The following WFIKKN1 variants were observed in gnomAD, a reference collection of about 807,000 sequenced individuals.
WFIKKN1 encodes WAP, follistatin/kazal, immunoglobulin, kunitz and netrin domain containing 1.
WFIKKN1 carries 6 observed loss-of-function variants against 4.6 expected under a neutral mutation model. The ratio of observed to expected loss-of-function variants is 1.31; its 90% CI spans 0.72 to 2.59. WFIKKN1 has a LOEUF of 2.59. Ranked by LOEUF, WFIKKN1 falls within the 30% of genes most tolerant of loss-of-function variation. WFIKKN1 has a pLI of 0.00. For synonymous variants in WFIKKN1, 468 were observed against 367.4 expected (o/e 1.27, Z -3.13); for missense variants, 964 against 818.0 (o/e 1.18, Z -2.18).
chr16:631,716 T>G, intron 1 of WFIKKN1: 1 of 139,482 alleles, frequency 7.2e-6, no homozygotes, highest in Admixed American at 1.5e-4. Context: ...TCCCACCCTC[T>G]CCTCCCATCC....
rs957325457 is a variant in WFIKKN1 at position 630,990 on chromosome 16, G to C, written c.-264G>C. 10 of 498,190 alleles carry C rather than the reference G, an allele frequency of 2.0e-5. No homozygotes were observed. The highest frequency in any genetic ancestry group is 3.6e-5 in the Non-Finnish European group (10 of 279,548). The allele number at this position is 498,190 out of a possible 1,614,324, so 30.9% of individuals were successfully genotyped here. On this transcript the variant is annotated 5_prime_UTR_variant, in exon 1 of 2. Coordinates refer to ENST00000319070, the MANE Select transcript of WFIKKN1 (RefSeq NM_053284.3). ...TGGGAGCCCCCGCACGGTTCAGACA[G>C]AGGGGCCAGGCTGAAGCTGGAGAGG...
Position 633,574 on chromosome 16 carries a change from G to C in WFIKKN1, c.1164G>C (p.Val388=). 1 of 1,565,926 alleles carries C rather than the reference G, an allele frequency of 6.4e-7. No homozygotes were observed. Among genetic ancestry groups the C allele is most frequent in the Non-Finnish European group, 8.6e-7 (1 of 1,163,212 alleles). ...SPLLQQCHPF[V]YGGCEGNGNN... is the part of the protein sequence containing the mutation. Reference sequence around the variant, plus strand: ...TGCTGCAGCAGTGCCATCCCTTCGTGTACGGTGGCTGCGAGGGCAACGGCA... The same window carrying C: ...TGCTGCAGCAGTGCCATCCCTTCGTCTACGGTGGCTGCGAGGGCAACGGCA... The change falls in exon 2 of 2, where the codon GTG becomes GTC. Residue 388 remains valine, a synonymous_variant. Transcript: ENST00000319070.
Position 631,362 on chromosome 16 carries a change from C to A in WFIKKN1, c.109C>A (p.Leu37Ile). ...GSHPGVCPNQLSPNLWVDAQS... is the reference protein window; with the variant it reads ...GSHPGVCPNQISPNLWVDAQS... ...CCACCCGGGCGTGTGCCCCAACCAG[C>A]TCAGCCCCAACCTGTGGGTGGACGC... Residue 37 changes from leucine (L) to isoleucine (I), a missense_variant, in exon 1 of 2, where the codon CTC becomes ATC. Leu to Ile is a conservative substitution (Grantham distance 5). Coordinates refer to ENST00000319070, the MANE Select transcript of WFIKKN1 (RefSeq NM_053284.3). The A allele has an allele frequency of 6.2e-7, 1 of 1,608,818 alleles. No homozygotes were observed.
At position 631,348 on chromosome 16, in the gene WFIKKN1, T is replaced by C; in HGVS notation, c.95T>C (p.Val32Ala). 1 of 1,607,656 alleles carries C rather than the reference T, an allele frequency of 6.2e-7. No homozygotes were observed. The highest frequency in any genetic ancestry group is 8.5e-7 in the Non-Finnish European group (1 of 1,179,458). The change falls in exon 1 of 2, where the codon GTG (valine) becomes GCG (alanine). Residue 32 changes from valine to alanine, a missense_variant. By Grantham distance (64) the Val-to-Ala change is moderately conservative (BLOSUM62 0). Coordinates refer to ENST00000319070, the MANE Select transcript of WFIKKN1 (RefSeq NM_053284.3). ...LLPGLGSHPGVCPNQLSPNLW... is the reference protein window; with the variant it reads ...LLPGLGSHPGACPNQLSPNLW... Reference sequence around the variant, plus strand: ...CCAGGGCTGGGGAGCCACCCGGGCGTGTGCCCCAACCAGCTCAGCCCCAAC... The same window carrying C: ...CCAGGGCTGGGGAGCCACCCGGGCGCGTGCCCCAACCAGCTCAGCCCCAAC...
In WFIKKN1 at chr16:633,682, C is replaced by G; in HGVS notation, c.1272C>G (p.Ser424Arg). The G allele has an allele frequency of 6.3e-7, 1 of 1,580,540 alleles. No individual in the cohort carries two copies. Among genetic ancestry groups the G allele is most frequent in the South Asian group, 1.1e-5 (1 of 87,256 alleles). Reference protein sequence around the residue: ...TPPCRACRLRSKLALSLCRSD... With the variant: ...TPPCRACRLRRKLALSLCRSD... Reference sequence around the variant, plus strand: ...CCTGCCGCGCCTGCCGCCTCCGGAGCAAGCTGGCGCTGAGCCTGTGCCGCA... The same window carrying G: ...CCTGCCGCGCCTGCCGCCTCCGGAGGAAGCTGGCGCTGAGCCTGTGCCGCA... Residue 424 changes from serine (S) to arginine (R), a missense_variant, in exon 2 of 2, where the codon AGC becomes AGG. Transcript: ENST00000319070.
Position 631,264 on chromosome 16 carries a change from T to TA in WFIKKN1, c.12dup (p.Arg5ThrfsTer46). On this transcript the variant is annotated frameshift_variant, in exon 1 of 2. Coordinates refer to ENST00000319070, the MANE Select transcript of WFIKKN1 (RefSeq NM_053284.3). LOFTEE classifies it high-confidence loss of function. ...GGCTCGGCGGCCCTCATGCCCGCCC[T>TA]ACGTCCACTCCTGCCGCTCCTGCTC... 1 of 1,567,280 alleles carries TA rather than the reference T, an allele frequency of 6.4e-7. No homozygotes were observed. Among genetic ancestry groups the TA allele is most frequent in the Non-Finnish European group, 8.6e-7 (1 of 1,165,216 alleles).
rs2036945104 is a variant in WFIKKN1 at position 631,245 on chromosome 16, G to GCGGCCCTCATGCCCGC, written c.-7_9dup. On this transcript the variant is annotated 5_prime_UTR_variant, in exon 1 of 2. In the 5' UTR this introduces an upstream ATG that the reference lacks. Transcript: ENST00000319070. ...CCACACCCCCCGGCCCCCTGGCTCG[G>GCGGCCCTCATGCCCGC]CGGCCCTCATGCCCGCCCTACGTCC... 6.5e-7 allele frequency: 1 copy of GCGGCCCTCATGCCCGC among 1,548,054 alleles called. No individual in the cohort carries two copies. The highest frequency in any genetic ancestry group is 8.7e-7 in the Non-Finnish European group (1 of 1,155,164).
Position 632,919 on chromosome 16 carries a change from C to T in WFIKKN1, c.509C>T (p.Pro170Leu), listed in dbSNP as rs746301177. ...AGCTGGCCGCCCAGCAGCCCGGGGC[C>T]GCCGGAGACCACTGCCCGCCCCACA... ...VLSWPPSSPG[P>L]PETTARPTPG... is the part of the protein sequence containing the mutation. The change falls in exon 2 of 2, where the codon CCG becomes CTG. Residue 170 changes from proline to leucine, a missense_variant. Coordinates refer to ENST00000319070, the MANE Select transcript of WFIKKN1 (RefSeq NM_053284.3). 4.0e-5 allele frequency: 62 copies of T among 1,559,942 alleles called. No individual in the cohort carries two copies. Among genetic ancestry groups the T allele is most frequent in the East Asian group, 1.1e-4 (5 of 43,876 alleles).
rs1473715397 is a variant in WFIKKN1 at position 633,245 on chromosome 16, T to G, written c.835T>G (p.Ser279Ala). Residue 279 changes from serine (S) to alanine (A), a missense_variant, in exon 2 of 2, where the codon TCT becomes GCT. Ser to Ala is a moderately conservative substitution (Grantham distance 99). Coordinates refer to ENST00000319070, the MANE Select transcript of WFIKKN1 (RefSeq NM_053284.3). ...AGLLRADFPL[S>A]VVQREPARDA... is the part of the protein sequence containing the mutation. ...GCTGCTGCGGGCTGACTTCCCACTC[T>G]CTGTGGTCCAGCGAGAGCCGGCCAG... 6.3e-7 allele frequency: 1 copy of G among 1,587,596 alleles called. No homozygotes were observed. Among genetic ancestry groups the G allele is most frequent in the East Asian group, 2.3e-5 (1 of 43,302 alleles).
Position 633,227 on chromosome 16 carries a change from C to T in WFIKKN1, c.817C>T (p.Arg273Trp). ...CGCGCGCAACGCTGCTGGGCTGCTGCGGGCTGACTTCCCACTCTCTGTGGT... is the reference window on the plus strand; with the variant it reads ...CGCGCGCAACGCTGCTGGGCTGCTGTGGGCTGACTTCCCACTCTCTGTGGT... ...CTARNAAGLL[R>W]ADFPLSVVQR... Residue 273 changes from arginine to tryptophan, a missense_variant, in exon 2 of 2, where the codon CGG becomes TGG. Arg to Trp is a moderately radical substitution (Grantham distance 101). Coordinates refer to ENST00000319070, the MANE Select transcript of WFIKKN1 (RefSeq NM_053284.3). 3.8e-6 allele frequency: 6 copies of T among 1,586,136 alleles called. No individual in the cohort carries two copies. The highest frequency in any genetic ancestry group is 2.3e-5 in the South Asian group (2 of 88,038).
In WFIKKN1 at chr16:633,444, AG is replaced by A; in HGVS notation, c.1036del (p.Ala346HisfsTer83). On this transcript the variant is annotated frameshift_variant, in exon 2 of 2. Transcript: ENST00000319070. LOFTEE classifies it low-confidence loss of function (END_TRUNC). ...GCGGCCCGCGGCTTTGAGACCTACG[AG>A]GCATGCCAGCAGGCCTGTGCCCGCG... ...DGAARGFETY[E>X]ACQQACARGP... 6.5e-7 allele frequency: 1 copy of A among 1,544,030 alleles called. No homozygotes were observed. Among genetic ancestry groups the A allele is most frequent in the Non-Finnish European group, 8.7e-7 (1 of 1,153,100 alleles).
chr16:633,326 T>C lies in WFIKKN1; in HGVS notation c.916T>C (p.Cys306Arg), dbSNP rs778966841. Reference sequence around the variant, plus strand: ...CGAGTGCCTGCCGGATGTGCAGGCCTGCACGGGCCCCACTTCCCCACACCT... The same window carrying C: ...CGAGTGCCTGCCGGATGTGCAGGCCCGCACGGGCCCCACTTCCCCACACCT... The part of the protein sequence containing the change: ...PAECLPDVQA[C>R]TGPTSPHLVL... Residue 306 changes from cysteine to arginine, a missense_variant, in exon 2 of 2, where the codon TGC (cysteine) becomes CGC (arginine). By Grantham distance (180) the Cys-to-Arg change is radical. Coordinates refer to ENST00000319070, the MANE Select transcript of WFIKKN1 (RefSeq NM_053284.3). 1.3e-6 allele frequency: 2 copies of C among 1,586,922 alleles called. No individual in the cohort carries two copies. The highest frequency in any genetic ancestry group is 8.5e-7 in the Non-Finnish European group (1 of 1,170,986).
rs767176403 is a variant in WFIKKN1 at position 633,258 on chromosome 16, G to A, written c.848G>A (p.Arg283Gln). Reference sequence around the variant, plus strand: ...GACTTCCCACTCTCTGTGGTCCAGCGAGAGCCGGCCAGGGACGCAGCCCCC... The same window carrying A: ...GACTTCCCACTCTCTGTGGTCCAGCAAGAGCCGGCCAGGGACGCAGCCCCC... ...RADFPLSVVQ[R>Q]EPARDAAPSI... is the part of the protein sequence containing the mutation. Residue 283 changes from arginine (R) to glutamine (Q), a missense_variant, in exon 2 of 2, where the codon CGA becomes CAA. Physicochemically the swap from Arg to Gln is conservative, Grantham distance 43. Coordinates refer to ENST00000319070, the MANE Select transcript of WFIKKN1 (RefSeq NM_053284.3). 3.2e-6 allele frequency: 5 copies of A among 1,584,452 alleles called. No homozygotes were observed. The Admixed American group carries it at 5.3e-5, about 17-fold the overall frequency.
intron 1 of WFIKKN1, chr16:631,856 T>TCCC (rs1176767979): frequency 2.7e-5 from 2 of 74,136 alleles, no homozygotes; most frequent in African/African-American, 1.4e-4. Context: ...CATCCTCTCC[T>TCCC]ATCCACTCCT....
chr16:633,598 C>A lies in WFIKKN1; in HGVS notation c.1188C>A (p.Gly396=). 6.4e-7 allele frequency: 1 copy of A among 1,573,030 alleles called. No homozygotes were observed. The change falls in exon 2 of 2, where the codon GGC becomes GGA. Residue 396 remains glycine (G), a synonymous_variant. Coordinates refer to ENST00000319070, the MANE Select transcript of WFIKKN1 (RefSeq NM_053284.3). The part of the protein sequence containing the change: ...PFVYGGCEGN[G]NNFHSRESCE... ...TGTACGGTGGCTGCGAGGGCAACGG[C>A]AACAACTTCCACAGCCGCGAGAGCT...
intron 1 of WFIKKN1, 56 bp downstream of exon 1, chr16:631,480 C>G: frequency 3.8e-6 from 6 of 1,569,284 alleles, no homozygotes; most frequent in Non-Finnish European, 5.1e-6. Context: ...TGGGCAAGAC[C>G]CTGCTGGAGG....
chr16:633,422 G>A lies in WFIKKN1; in HGVS notation c.1012G>A (p.Ala338Thr). The part of the protein sequence containing the change: ...TFPARGCDGA[A>T]RGFETYEACQ... ...CCCGGCCCGTGGCTGTGATGGGGCG[G>A]CCCGCGGCTTTGAGACCTACGAGGC... Residue 338 changes from alanine (A) to threonine (T), a missense_variant, in exon 2 of 2, where the codon GCC becomes ACC. Transcript: ENST00000319070. 1 of 1,548,382 alleles carries A rather than the reference G, an allele frequency of 6.5e-7. No homozygotes were observed. Among genetic ancestry groups the A allele is most frequent in the South Asian group, 1.2e-5 (1 of 84,032 alleles).
chr16:631,549 G>C, intron 1 of WFIKKN1, 125 bp downstream of exon 1: 1 of 1,219,020 alleles, frequency 8.2e-7, no homozygotes, highest in Non-Finnish European at 1.1e-6. Context: ...GGCCCCTTAA[G>C]GGGCCCAGAG....
rs1447547849 is a variant in WFIKKN1 at position 633,929 on chromosome 16, G to C, written c.1519G>C (p.Val507Leu). 6.3e-7 allele frequency: 1 copy of C among 1,594,584 alleles called. No individual in the cohort carries two copies. Among genetic ancestry groups the C allele is most frequent in the East Asian group, 2.3e-5 (1 of 43,526 alleles). ...GDGPLVIMGE[V>L]RDGVAVLDAG... ...CGGGCCGCTGGTCATCATGGGTGAG[G>C]TGCGCGATGGCGTGGCCGTGCTGGA... Residue 507 changes from valine (V) to leucine (L), a missense_variant, in exon 2 of 2, where the codon GTG (valine) becomes CTG (leucine). Coordinates refer to ENST00000319070, the MANE Select transcript of WFIKKN1 (RefSeq NM_053284.3).
Sources: gnomAD v4.1 joint callset for allele counts on GRCh38, gnomAD v4.1.1 for gene constraint, MANE v1.5 for transcripts, NCBI Gene and HGNC (gene_info 2026-07-23, HGNC 2026-07-21) for gene names.